The following SCAI variants were observed in gnomAD, a reference collection of about 807,000 sequenced individuals.
SCAI encodes protein SCAI.
Under a neutral mutation model 92.2 loss-of-function variants are expected in SCAI, and 24 were observed. The observed-to-expected ratio is 0.26, with a 90% CI of 0.19 to 0.37. The LOEUF is 0.37. Among genes scored for constraint, SCAI ranks in the 10% least tolerant of loss-of-function variants. The pLI is 1.00. For synonymous variants in SCAI, 261 were observed against 258.6 expected (o/e 1.01, Z -0.09); for missense variants, 450 against 736.2 (o/e 0.61, Z 4.50).
At chr9:125,040,242 A>G (rs1348982919) in intron 3 of SCAI, among the ~76,000 whole-genome samples, 1 of 152,148 alleles carries the variant, frequency 6.6e-6, no homozygotes, top group African/African-American at 2.4e-5. Context: ...CTGTGGTCCC[A>G]GCTACTTGGG....
chr9:125,039,717 AG>A (rs937865014), intron 3 of SCAI, among the ~76,000 whole-genome samples: 1 of 152,146 alleles, frequency 6.6e-6, no homozygotes, highest in African/African-American at 2.4e-5. Flanking sequence ...TTATTTATAT[AG>A]GGCTTGGTTA....
rs777075487 is a variant in SCAI at position 125,018,822 on chromosome 9, T to C, written c.838A>G (p.Ile280Val). The C allele has an allele frequency of 5.0e-6, 8 of 1,611,018 alleles. No individual in the cohort carries two copies. The highest frequency in any genetic ancestry group is 5.9e-6 in the Non-Finnish European group (7 of 1,179,250). Residue 280 changes from isoleucine (I) to valine (V), a missense_variant, in exon 9 of 18, where the codon ATT becomes GTT. Ile to Val is a conservative substitution (Grantham distance 29). This residue lies in a region of SCAI where 360 missense variants were observed against 601.8 expected (regional missense o/e 0.60). Transcript: ENST00000336505. ...ACCTGATTATTACAATTACCAATAA[T>C]GAGTGCGTCAGCCAGAGACAACTGT... ...VGQLSLADAL[I>V]IGNCNNQVKF...
intron 2 of SCAI, among the ~76,000 whole-genome samples, chr9:125,114,828 C>T (rs1835006833): frequency 6.9e-6 from 1 of 145,370 alleles, no homozygotes; most frequent in African/African-American, 2.6e-5. Flanking sequence ...GGCTGGAGCA[C>T]AGTGGCATGA....
intron 2 of SCAI, among the ~76,000 whole-genome samples, chr9:125,105,905 TGG>T (rs1265515248): frequency 6.6e-6 from 1 of 151,082 alleles, no homozygotes; most frequent in Non-Finnish European, 1.5e-5. Context: ...GACACCAGCC[TGG>T]CCAATGTGGT....
At chr9:125,031,315 G>A (rs1833070327) in intron 3 of SCAI, among the ~76,000 whole-genome samples, 1 of 151,632 alleles carries the variant, frequency 6.6e-6, no homozygotes, top group African/African-American at 2.4e-5. Flanking sequence ...AGGCTGGAGT[G>A]CAGTGGCGTG....
chr9:125,098,674 G>A (rs1179492863), intron 2 of SCAI, among the ~76,000 whole-genome samples: 3 of 152,154 alleles, frequency 2.0e-5, no homozygotes, highest in East Asian at 3.8e-4. Flanking sequence ...ATTAAGAATC[G>A]AAGGGGGTCA....
At chr9:125,142,146 T>C (rs1835681798) in intron 2 of SCAI, 1 of 153,930 alleles carries the variant, frequency 6.5e-6, no homozygotes, top group Non-Finnish European at 1.4e-5. Flanking sequence ...ATAGTAGGTG[T>C]ATATATTTAT....
chr9:125,063,018 CAAAA>C (rs71374223), intron 2 of SCAI, among the ~76,000 whole-genome samples: 1 of 85,634 alleles, frequency 1.2e-5, no homozygotes. Flanking sequence ...GACTCCGTCT[CAAAA>C]AAAAAAAAAA....
At chr9:124,959,860 T>C (rs1831405534) in intron 17 of SCAI, among the ~76,000 whole-genome samples, 1 of 152,200 alleles carries the variant, frequency 6.6e-6, no homozygotes, top group Non-Finnish European at 1.5e-5. Flanking sequence ...ACAAAGGACA[T>C]GAACTCATCC....
intron 17 of SCAI, among the ~76,000 whole-genome samples, chr9:124,959,463 CAT>C (rs749324371): frequency 0.027 from 3,153 of 116,044 alleles, 105 homozygotes; most frequent in African/African-American, 0.089. Context: ...CTAGCAATTT[CAT>C]ATATATATAT....
At chr9:124,960,710 G>A (rs1029868972) in intron 17 of SCAI, among the ~76,000 whole-genome samples, 6 of 152,222 alleles carry the variant, frequency 3.9e-5, no homozygotes, top group African/African-American at 1.4e-4. Context: ...AATCTGGAAT[G>A]ATGCTATCTT....
At chr9:125,080,590 C>G (rs73577892) in intron 2 of SCAI, among the ~76,000 whole-genome samples, 2,121 of 152,284 alleles carry the variant, frequency 0.014, 58 homozygotes, top group African/African-American at 0.048. Context: ...ACTTGAATTA[C>G]TAGCTATTTT....
At chr9:125,021,152 C>T (rs1832863084) in intron 6 of SCAI, among the ~76,000 whole-genome samples, 1 of 152,114 alleles carries the variant, frequency 6.6e-6, no homozygotes, top group Non-Finnish European at 1.5e-5. Flanking sequence ...ATAAAGAATG[C>T]TATTTGTGCC....
At chr9:124,956,335 C>T (rs1352090254) in intron 17 of SCAI, among the ~76,000 whole-genome samples, 1 of 152,164 alleles carries the variant, frequency 6.6e-6, no homozygotes, top group Non-Finnish European at 1.5e-5. Flanking sequence ...TTTCCTGCCT[C>T]AGCCACCCTA....
At chr9:124,978,635 G>T (rs1831810552) in intron 14 of SCAI, among the ~76,000 whole-genome samples, 1 of 152,090 alleles carries the variant, frequency 6.6e-6, no homozygotes, top group African/African-American at 2.4e-5. Flanking sequence ...TCCCAAACTA[G>T]AAATTTTCCC....
At chr9:125,092,025 G>A (rs973709070) in intron 2 of SCAI, among the ~76,000 whole-genome samples, 2 of 151,434 alleles carry the variant, frequency 1.3e-5, no homozygotes, top group East Asian at 3.9e-4. Flanking sequence ...AGCTACTTGG[G>A]AGGCTGAGGC....
intron 2 of SCAI, among the ~76,000 whole-genome samples, chr9:125,094,563 T>C (rs1834505778): frequency 6.6e-6 from 1 of 152,170 alleles, no homozygotes; most frequent in Non-Finnish European, 1.5e-5. Context: ...GTGCAGGGGC[T>C]CCAACACGGC....
intron 17 of SCAI, chr9:124,968,766 T>C: frequency 9.8e-7 from 1 of 1,018,280 alleles, no homozygotes; most frequent in South Asian, 1.3e-5. Context: ...CAAACTGGCA[T>C]GGTGGGGTGC....
intron 2 of SCAI, among the ~76,000 whole-genome samples, chr9:125,075,396 G>A (rs1834067734): frequency 6.6e-6 from 1 of 151,562 alleles, no homozygotes; most frequent in African/African-American, 2.4e-5. Context: ...AGGCCACATA[G>A]ATGTTTCATT....
Sources: allele counts gnomAD v4.1 joint callset (sites outside exome capture counted in the v4.1 genomes callset), GRCh38; gene constraint gnomAD v4.1.1; regional missense constraint gnomAD v4.1.1; transcripts MANE v1.5; gene names NCBI Gene and HGNC (gene_info 2026-07-23, HGNC 2026-07-21).